RP1: variants seen among roughly 807,000 people sequenced by gnomAD.
RP1 encodes oxygen-regulated protein 1.
RP1 carries 16 observed loss-of-function variants against 14.8 expected under a neutral mutation model. The observed-to-expected ratio is 1.08, with a 90% CI of 0.73 to 1.65. The LOEUF is 1.65. Among genes scored for constraint, RP1 ranks in the 40% most tolerant of loss-of-function variants. The pLI is 0.00. For missense variants in RP1, 2,631 were observed against 2,535.0 expected (o/e 1.04, Z -0.81); for synonymous variants, 876 against 883.6 (o/e 0.99, Z 0.15).
chr8:54,690,749 A>G (rs997375278), intron 12 of RP1, among the ~76,000 whole-genome samples: 3 of 152,042 alleles, frequency 2.0e-5, no homozygotes, highest in African/African-American at 4.8e-5. Flanking sequence ...ATTTGTATCA[A>G]ATTGCTGAAT....
intron 1 of RP1, among the ~76,000 whole-genome samples, chr8:54,597,492 T>C (rs1211904932): frequency 6.6e-6 from 1 of 152,076 alleles, no homozygotes; most frequent in Admixed American, 6.5e-5. Flanking sequence ...AACATGAGTC[T>C]ACAGGACTGG....
rs1487968661 is a variant in RP1, at chr8:54,621,045, T to G, written c.79T>G (p.Leu27Val). ...AGGTCAAGTTCCACCCCCTCGCCATTTGAGCCTCACTCATCCTGTTGTGGC... is the reference window on the plus strand; with the variant it reads ...AGGTCAAGTTCCACCCCCTCGCCATGTGAGCCTCACTCATCCTGTTGTGGC... Reference protein sequence around the residue: ...SEGQVPPPRHLSLTHPVVAKR... With the variant: ...SEGQVPPPRHVSLTHPVVAKR... The change falls in exon 2 of 4, where the codon TTG (leucine) becomes GTG (valine). Residue 27 changes from leucine (L) to valine (V), a missense_variant. Transcript: ENST00000220676. 2.3e-5 allele frequency: 37 copies of G among 1,614,056 alleles called. No individual in the cohort carries two copies. Among genetic ancestry groups the G allele is most frequent in the Non-Finnish European group, 3.0e-5 (35 of 1,180,036 alleles).
intron 19 of RP1, among the ~76,000 whole-genome samples, chr8:54,740,374 C>T (rs989626723): frequency 1.9e-5 from 2 of 107,564 alleles, no homozygotes; most frequent in African/African-American, 7.3e-5. Flanking sequence ...ATGTTCATGT[C>T]TTTATTTTTA....
intron 17 of RP1, among the ~76,000 whole-genome samples, chr8:54,727,748 C>T (rs1322829040): frequency 6.6e-5 from 10 of 151,900 alleles, no homozygotes; most frequent in African/African-American, 2.4e-4. Context: ...GACTTGGTCT[C>T]TACCCTCTTG....
In RP1 at chr8:54,628,156, T is replaced by C. The variant is rs1338252422; in HGVS notation, c.4274T>C (p.Leu1425Pro). 7 of 1,613,908 alleles carry C rather than the reference T, an allele frequency of 4.3e-6. No homozygotes were observed. The highest frequency in any genetic ancestry group is 5.9e-6 in the Non-Finnish European group (7 of 1,179,932). Residue 1425 changes from leucine to proline, a missense_variant, in exon 4 of 4, where the codon CTA becomes CCA. Leu to Pro is a moderately conservative substitution (Grantham distance 98, BLOSUM62 -3). Coordinates refer to ENST00000220676, the MANE Select transcript of RP1 (RefSeq NM_006269.2). ...CTAGATGATTTTGAAAATTGTTCACTAAGGAAGTTTCAGGATGAAAATGCA... is the reference window on the plus strand; with the variant it reads ...CTAGATGATTTTGAAAATTGTTCACCAAGGAAGTTTCAGGATGAAAATGCA... ...SSLDDFENCS[L>P]RKFQDENAYT...
In RP1 at chr8:54,797,064, C is replaced by T. The variant is rs72650367; in HGVS notation, c.3615+13354C>T. On this transcript the variant is annotated intron_variant, in intron 24 of 28. Coordinates refer to the RP1 transcript ENST00000637698. ...GAAGCAGGTATTAGAGAGAGCACAACAGTGTAAAGAGTAGACTCCTTTTTA... is the reference window on the plus strand; with the variant it reads ...GAAGCAGGTATTAGAGAGAGCACAATAGTGTAAAGAGTAGACTCCTTTTTA... 6.1e-3 allele frequency among the ~76,000 whole-genome samples: 930 copies of T among 152,212 alleles called. 8 individuals are homozygous for T. Among genetic ancestry groups the T allele is most frequent in the Middle Eastern group, 0.02 (6 of 294 alleles).
At chr8:54,694,358 C>G (rs1020067250) in intron 12 of RP1, among the ~76,000 whole-genome samples, 1 of 152,172 alleles carries the variant, frequency 6.6e-6, no homozygotes, top group Non-Finnish European at 1.5e-5. Flanking sequence ...AAGATTCCCT[C>G]TTTTTCTATT....
At chr8:54,687,575 C>T (rs945039728) in intron 12 of RP1, among the ~76,000 whole-genome samples, 1 of 152,084 alleles carries the variant, frequency 6.6e-6, no homozygotes, top group Non-Finnish European at 1.5e-5. Flanking sequence ...GTTTTCTCTT[C>T]TTGTGTTACT....
intron 27 of RP1, among the ~76,000 whole-genome samples, chr8:54,859,992 G>C (rs1486348773): frequency 6.6e-6 from 1 of 152,128 alleles, no homozygotes; most frequent in Non-Finnish European, 1.5e-5. Context: ...ATCCTAAAAA[G>C]CCAGAATTGA....
At chr8:54,835,094 G>T (rs1430750166) in intron 24 of RP1, among the ~76,000 whole-genome samples, 1 of 141,456 alleles carries the variant, frequency 7.1e-6, no homozygotes, top group Non-Finnish European at 1.6e-5. Context: ...CCTACATTTT[G>T]GAGTCACTGT....
intron 12 of RP1, among the ~76,000 whole-genome samples, chr8:54,692,369 C>A (rs2129339846): frequency 1.1e-5 from 1 of 91,184 alleles, no homozygotes; most frequent in East Asian, 3.1e-4. Context: ...ATTTCTAGTT[C>A]TAGATCCCTG....
At chr8:54,803,998 G>A (rs1438502443) in intron 24 of RP1, among the ~76,000 whole-genome samples, 1 of 152,030 alleles carries the variant, frequency 6.6e-6, no homozygotes, top group Non-Finnish European at 1.5e-5. Flanking sequence ...AACCCAGGAG[G>A]CGGAGGTTAC....
intron 24 of RP1, among the ~76,000 whole-genome samples, chr8:54,831,606 A>C (rs1563389964): frequency 6.6e-6 from 1 of 151,712 alleles, no homozygotes; most frequent in Non-Finnish European, 1.5e-5. Flanking sequence ...CATATATTAC[A>C]AACCCCATAA....
At chr8:54,673,710 A>T in intron 7 of RP1, 1 of 684,964 alleles carries the variant, frequency 1.5e-6, no homozygotes, top group East Asian at 3.0e-5. Flanking sequence ...ATTGCACTCC[A>T]GCCTGGGTGA....
intron 22 of RP1, among the ~76,000 whole-genome samples, chr8:54,765,390 G>A (rs75701794): frequency 1.8e-3 from 267 of 152,326 alleles, no homozygotes; most frequent in African/African-American, 6.0e-3. Flanking sequence ...ATACAGAACA[G>A]GGCTGAGTAT....
At chr8:54,813,038 A>G (rs1438330377) in intron 24 of RP1, among the ~76,000 whole-genome samples, 1 of 152,228 alleles carries the variant, frequency 6.6e-6, no homozygotes, top group African/African-American at 2.4e-5. Context: ...TTCTGTAAGA[A>G]TCTTATTGTG....
At chr8:54,863,065 A>ATATT (rs1812385735) in intron 27 of RP1, among the ~76,000 whole-genome samples, 1 of 144,144 alleles carries the variant, frequency 6.9e-6, no homozygotes, top group African/African-American at 2.6e-5. Context: ...ATATATATAT[A>ATATT]TATATATATA....
chr8:54,605,706 T>G (rs1283596082), intron 1 of RP1, among the ~76,000 whole-genome samples: 1 of 152,224 alleles, frequency 6.6e-6, no homozygotes, highest in African/African-American at 2.4e-5. Flanking sequence ...GGACTTGCTT[T>G]ATGAATCTGG....
At chr8:54,591,671 C>T (rs1447060383) in intron 1 of RP1, among the ~76,000 whole-genome samples, 1 of 152,064 alleles carries the variant, frequency 6.6e-6, no homozygotes, top group Non-Finnish European at 1.5e-5. Flanking sequence ...CTAAAACAAA[C>T]ATTTATTGAG....
Sources: allele counts gnomAD v4.1 joint callset (sites outside exome capture counted in the v4.1 genomes callset), GRCh38; gene constraint gnomAD v4.1.1; transcripts MANE v1.5; gene names NCBI Gene and HGNC (gene_info 2026-07-23, HGNC 2026-07-21).